The following PHACTR2 variants were observed in gnomAD, a reference collection of about 807,000 sequenced individuals.
The protein encoded by PHACTR2 is chromosome 6 open reading frame 56.
In PHACTR2, 30 loss-of-function variants were observed where a neutral mutation model predicts 76.0. The observed-to-expected ratio is 0.39, with a 90% CI of 0.30 to 0.54. The LOEUF (loss-of-function observed/expected upper bound fraction) is 0.54. PHACTR2 is among the 20% of genes least tolerant of loss of function. The pLI, the probability that PHACTR2 is intolerant of heterozygous loss-of-function variation, is 0.61. For synonymous variants in PHACTR2, 292 were observed against 292.5 expected, an observed-to-expected ratio of 1.00 and a Z score of 0.02; for missense variants, 696 against 781.1, an observed-to-expected ratio of 0.89 and a Z score of 1.30.
rs1231973660 is a variant in PHACTR2, at chr6:143,598,795, C to G, written c.217+61588C>G. Among the ~76,000 whole-genome samples, 2 of 152,166 alleles carry G rather than the reference C, an allele frequency of 1.3e-5. No homozygotes were observed. The highest frequency in any genetic ancestry group is 2.9e-5 in the Non-Finnish European group (2 of 68,034). ...GCTCCCAGGAACTTTCTATGACCCCCTTAGAGGAATCACTAGACCTCATGT... is the reference window on the plus strand; with the variant it reads ...GCTCCCAGGAACTTTCTATGACCCCGTTAGAGGAATCACTAGACCTCATGT... On this transcript the variant is annotated intron_variant, in intron 1 of 11. Coordinates refer to the PHACTR2 transcript ENST00000367584. This position sits in a 1 kb window ranked among gnomAD's most constrained non-coding sequence, Gnocchi z 4.1.
At chr6:143,690,937 A>G (rs1777630405) in intron 1 of PHACTR2, among the ~76,000 whole-genome samples, 1 of 152,162 alleles carries the variant, frequency 6.6e-6, no homozygotes, top group African/African-American at 2.4e-5. Context: ...TCTTTATGGG[A>G]TGCTCGTTCT....
Position 143,681,319 on chromosome 6 carries a change from A to G in PHACTR2, c.46+3110A>G, listed in dbSNP as rs138992121. Among the ~76,000 whole-genome samples, 150 of 152,102 alleles carry G rather than the reference A, an allele frequency of 9.9e-4. 1 individual carries two copies. The highest frequency in any genetic ancestry group is 1.2e-3 in the East Asian group (6 of 5,176). ...CTTAGTAGGTGTGAAGTTATATCTC[A>G]TGGTTTTGATTTCCTTTTCCCTAAT... On this transcript the variant is annotated intron_variant, in intron 1 of 12. Coordinates refer to ENST00000440869, the MANE Select transcript of PHACTR2 (RefSeq NM_001100164.2).
In PHACTR2 at chr6:143,811,382, G is replaced by A. The variant is rs912160924; in HGVS notation, c.1922+4249G>A. ...TTTTTTCACCCTCAAAATTCTATTG[G>A]CTATTTTTTTTATTTACTCATCTAG... On this transcript the variant is annotated intron_variant, in intron 12 of 12. Coordinates refer to ENST00000440869, the MANE Select transcript of PHACTR2 (RefSeq NM_001100164.2). The surrounding 1 kb of genome is among the most constrained non-coding windows in gnomAD (Gnocchi z 4.1). 1.3e-5 allele frequency among the ~76,000 whole-genome samples: 2 copies of A among 151,878 alleles called. No homozygotes were observed. Among genetic ancestry groups the A allele is most frequent in the African/African-American group, 4.8e-5 (2 of 41,334 alleles).
Position 143,783,405 on chromosome 6 carries a change from C to T in PHACTR2, c.1707+125C>T. The T allele has an allele frequency of 5.4e-6, 3 of 551,428 alleles. No individual in the cohort carries two copies. Among genetic ancestry groups the T allele is most frequent in the Non-Finnish European group, 6.4e-6 (2 of 311,436 alleles). The allele number at this position is 551,428 out of a possible 1,614,324, so 34.2% of individuals were successfully genotyped here. A position where few individuals can be genotyped will look rare whatever the true frequency, so the allele number is the denominator to read the frequency against. On this transcript the variant is annotated intron_variant, in intron 10 of 12. Transcript: ENST00000440869. The surrounding 1 kb of genome is among the most constrained non-coding windows in gnomAD (Gnocchi z 5.2). ...ATAATTATTCCTATTAGTCTATAAT[C>T]ATAGACATCAAAATCACAAGCCTGG...
intron 1 of PHACTR2, among the ~76,000 whole-genome samples, chr6:143,640,247 T>C (rs1361226433): frequency 6.6e-6 from 1 of 152,200 alleles, no homozygotes; most frequent in African/African-American, 2.4e-5. Flanking sequence ...TACTATACTT[T>C]TAATCACCAT....
rs1327956592 is a variant in PHACTR2, at chr6:143,829,145, A to C, written c.*5456A>C. Reference sequence around the variant, plus strand: ...CTAGTCCCTATATATATATACTTAAAGTCCCTATATATACTTAAAGGAGAG... The same window carrying C: ...CTAGTCCCTATATATATATACTTAACGTCCCTATATATACTTAAAGGAGAG... On this transcript the variant is annotated 3_prime_UTR_variant, in exon 13 of 13. Coordinates refer to ENST00000440869, the MANE Select transcript of PHACTR2 (RefSeq NM_001100164.2). 1 of 148,480 alleles carries C rather than the reference A, an allele frequency of 6.7e-6. No homozygotes were observed. The highest frequency in any genetic ancestry group is 2.5e-5 in the African/African-American group (1 of 39,958). 9.2% of individuals were successfully genotyped at this position (148,480 alleles called of 1,614,324 possible).
At chr6:143,643,404 T>A (rs975036619) in intron 1 of PHACTR2, among the ~76,000 whole-genome samples, 2 of 152,216 alleles carry the variant, frequency 1.3e-5, no homozygotes, top group East Asian at 3.8e-4. Flanking sequence ...TAGTTTATAG[T>A]CCAAAAGTAA....
Position 143,820,123 on chromosome 6 carries a change from C to T in PHACTR2, c.1923-3551C>T, listed in dbSNP as rs944558054. On this transcript the variant is annotated intron_variant, in intron 12 of 12. Transcript: ENST00000440869. The surrounding 1 kb of genome is among the most constrained non-coding windows in gnomAD (Gnocchi z 4.2). Reference sequence around the variant, plus strand: ...CAGTACCAAGCCATAGGGATCCACCCCCAGGACCCAAACACCTCCCAGCCC... The same window carrying T: ...CAGTACCAAGCCATAGGGATCCACCTCCAGGACCCAAACACCTCCCAGCCC... Among the ~76,000 whole-genome samples the T allele has an allele frequency of 6.6e-6, 1 of 152,130 alleles. No homozygotes were observed. Among genetic ancestry groups the T allele is most frequent in the Non-Finnish European group, 1.5e-5 (1 of 68,016 alleles).
chr6:143,799,289 A>C (rs1582892895), intron 11 of PHACTR2, among the ~76,000 whole-genome samples: 1 of 152,088 alleles, frequency 6.6e-6, no homozygotes, highest in African/African-American at 2.4e-5. Flanking sequence ...CTTCTTTATT[A>C]GTCTTGCTGG....
Position 143,557,897 on chromosome 6 carries a change from T to C in PHACTR2, c.217+20690T>C, listed in dbSNP as rs1380958278. The C allele has an allele frequency of 1.3e-5, 2 of 152,154 alleles. No individual in the cohort carries two copies. Among genetic ancestry groups the C allele is most frequent in the Non-Finnish European group, 2.9e-5 (2 of 68,056 alleles). 9.4% of individuals were successfully genotyped at this position (152,154 alleles called of 1,614,324 possible). A position where few individuals can be genotyped will look rare whatever the true frequency, so the allele number is the denominator to read the frequency against. ...AAGCTGGAACCATCTTCCATGAGAA[T>C]TGTGCTTTTTTTCCCCCTTTGCTTT... On this transcript the variant is annotated intron_variant, in intron 1 of 11. Coordinates refer to the PHACTR2 transcript ENST00000367584. The surrounding 1 kb of genome is among the most constrained non-coding windows in gnomAD (Gnocchi z 5.5).
rs375809344 is a variant in PHACTR2 at position 143,589,017 on chromosome 6, C to T, written c.217+51810C>T. The stretch of plus-strand genomic sequence containing the variant: ...CCTTCAAGGAACAAATCACTCTCAT[C>T]GTATGAGTTTGCTAGAGCTGCCACA... On this transcript the variant is annotated intron_variant, in intron 1 of 11. Transcript: ENST00000367584. This position sits in a 1 kb window ranked among gnomAD's most constrained non-coding sequence, Gnocchi z 4.4. Among the ~76,000 whole-genome samples, 4 of 152,206 alleles carry T rather than the reference C, an allele frequency of 2.6e-5. No individual in the cohort carries two copies. The highest frequency in any genetic ancestry group is 4.8e-5 in the African/African-American group (2 of 41,452).
intron 1 of PHACTR2, among the ~76,000 whole-genome samples, chr6:143,540,651 A>G (rs1177531291): frequency 6.6e-6 from 1 of 152,048 alleles, no homozygotes; most frequent in African/African-American, 2.4e-5. Flanking sequence ...AAGGGATTTT[A>G]TTTAATTTGT....
rs1302571414 is a variant in PHACTR2 at position 143,546,714 on chromosome 6, A to G, written c.217+9507A>G. Among the ~76,000 whole-genome samples, 1 of 152,128 alleles carries G rather than the reference A, an allele frequency of 6.6e-6. No individual in the cohort carries two copies. Among genetic ancestry groups the G allele is most frequent in the Non-Finnish European group, 1.5e-5 (1 of 68,026 alleles). ...CAGATGTTTGGAGAACAAGACAGAA[A>G]GGTGTGATAATGATAAAGAATGTGA... On this transcript the variant is annotated intron_variant, in intron 1 of 11. Transcript: ENST00000367584. The surrounding 1 kb of genome is among the most constrained non-coding windows in gnomAD (Gnocchi z 4.9).
chr6:143,709,194 G>C lies in PHACTR2; in HGVS notation c.47-2822G>C, dbSNP rs1206987983. Reference sequence around the variant, plus strand: ...TAGCTTCAAAATCAGTCTGTCCCCTGTATCTCTATCTGTTGTGCTATGGCT... The same window carrying C: ...TAGCTTCAAAATCAGTCTGTCCCCTCTATCTCTATCTGTTGTGCTATGGCT... On this transcript the variant is annotated intron_variant, in intron 1 of 12. Coordinates refer to ENST00000440869, the MANE Select transcript of PHACTR2 (RefSeq NM_001100164.2). This position sits in a 1 kb window ranked among gnomAD's most constrained non-coding sequence, Gnocchi z 4.4. 2.0e-5 allele frequency among the ~76,000 whole-genome samples: 3 copies of C among 152,182 alleles called. No individual in the cohort carries two copies. Among genetic ancestry groups the C allele is most frequent in the Non-Finnish European group, 4.4e-5 (3 of 68,026 alleles).
intron 12 of PHACTR2, among the ~76,000 whole-genome samples, chr6:143,813,805 T>G (rs1468465713): frequency 6.6e-6 from 1 of 152,064 alleles, no homozygotes; most frequent in Non-Finnish European, 1.5e-5. Flanking sequence ...TGTTGAGAAG[T>G]TTTCTCATGT....
rs920792532 is a variant in PHACTR2 at position 143,777,596 on chromosome 6, C to G, written c.1645+213C>G. On this transcript the variant is annotated intron_variant, in intron 9 of 12. Coordinates refer to ENST00000440869, the MANE Select transcript of PHACTR2 (RefSeq NM_001100164.2). The surrounding 1 kb of genome is among the most constrained non-coding windows in gnomAD (Gnocchi z 4.6). ...ATTTTATGGCTTTGAGCCTTATACC[C>G]GCCCCTAGAGCAGAGTCATGGTCAT... 6.6e-6 allele frequency among the ~76,000 whole-genome samples: 1 copy of G among 151,942 alleles called. No individual in the cohort carries two copies. Among genetic ancestry groups the G allele is most frequent in the African/African-American group, 2.4e-5 (1 of 41,348 alleles).
Position 143,829,777 on chromosome 6 carries a change from TG to T in PHACTR2, c.*6092del, listed in dbSNP as rs1298601568. On this transcript the variant is annotated 3_prime_UTR_variant, in exon 13 of 13. Coordinates refer to ENST00000440869, the MANE Select transcript of PHACTR2 (RefSeq NM_001100164.2). ...AACATTAAAGTTTCTAAATTGTTTT[TG>T]GGGCCGAGTAACGCAGAGTCAATAA... The T allele has an allele frequency of 6.6e-6, 1 of 152,240 alleles. No individual in the cohort carries two copies. The highest frequency in any genetic ancestry group is 1.5e-5 in the Non-Finnish European group (1 of 68,040). The allele number at this position is 152,240 out of a possible 1,614,324, so 9.4% of individuals were successfully genotyped here. A position where few individuals can be genotyped will look rare whatever the true frequency, so the allele number is the denominator to read the frequency against.
Position 143,684,587 on chromosome 6 carries a change from A to C in PHACTR2, c.46+6378A>C, listed in dbSNP as rs1243204516. The stretch of plus-strand genomic sequence containing the variant: ...TGATAGACTTTGCTACATTATTCTC[A>C]AAGAGGCTTTCTCAGTGTTATCTGC... On this transcript the variant is annotated intron_variant, in intron 1 of 12. Transcript: ENST00000440869. This position sits in a 1 kb window ranked among gnomAD's most constrained non-coding sequence, Gnocchi z 4.3. 6.6e-6 allele frequency among the ~76,000 whole-genome samples: 1 copy of C among 152,186 alleles called. No homozygotes were observed. Among genetic ancestry groups the C allele is most frequent in the Non-Finnish European group, 1.5e-5 (1 of 68,030 alleles).
At chr6:143,715,325 C>T (rs9496752) in intron 2 of PHACTR2, among the ~76,000 whole-genome samples, 2,747 of 152,268 alleles carry the variant, frequency 0.018, 90 homozygotes, top group African/African-American at 0.06. Context: ...TTCTTCTTCT[C>T]ATCACCCCTA....
Sources: allele counts gnomAD v4.1 joint callset (sites outside exome capture counted in the v4.1 genomes callset), GRCh38; gene constraint gnomAD v4.1.1; non-coding constraint Gnocchi (gnomAD v3.1); transcripts MANE v1.5; gene names NCBI Gene and HGNC (gene_info 2026-07-23, HGNC 2026-07-21).